Variants in UPF3A observed in about 807,000 individuals in gnomAD.
The protein encoded by UPF3A is regulator of nonsense transcripts 3A.
In UPF3A, 42 loss-of-function variants were observed where a neutral mutation model predicts 53.5. The observed-to-expected ratio is 0.78, with a 90% CI of 0.61 to 1.01. The LOEUF is 1.01. Ranked by LOEUF, UPF3A falls within the 50% of genes least tolerant of loss-of-function variation. The pLI, the probability that UPF3A is intolerant of heterozygous loss-of-function variation, is 0.00. For synonymous variants in UPF3A, 237 were observed against 225.3 expected, an observed-to-expected ratio of 1.05 and a Z score of -0.47; for missense variants, 575 against 598.0, an observed-to-expected ratio of 0.96 and a Z score of 0.40.
At chr13:114,291,989 G>C (rs1025153222) in intron 7 of UPF3A, among the ~76,000 whole-genome samples, 197 bp downstream of exon 7, 4 of 151,950 alleles carry the variant, frequency 2.6e-5, no homozygotes, top group African/African-American at 9.7e-5. Flanking sequence ...AGCCCTGGGA[G>C]TCCTCAGGCT....
chr13:114,301,713 A>AT lies in UPF3A; in HGVS notation c.1008-15dup, dbSNP rs1385988370. On this transcript the variant is annotated splice_polypyrimidine_tract_variant and intron_variant, in intron 8 of 9. Coordinates refer to ENST00000375299, the MANE Select transcript of UPF3A (RefSeq NM_023011.4). ...CGGCGGTTTACTGCAGTTGCTGATC[A>AT]TTTGTGTTGAATCATAGGTCACACA... is the stretch of plus-strand genomic sequence containing the variant. 7 of 1,597,148 alleles carry AT rather than the reference A, an allele frequency of 4.4e-6. No individual in the cohort carries two copies. Among genetic ancestry groups the AT allele is most frequent in the Non-Finnish European group, 6.0e-6 (7 of 1,168,644 alleles).
At chr13:114,304,748 G>A (rs1282835091) in intron 9 of UPF3A, 41 bp from the exon 10 acceptor site, 1 of 1,606,220 alleles carries the variant, frequency 6.2e-7, no homozygotes, top group South Asian at 1.1e-5. Context: ...CTTCTGTGTT[G>A]CTACCTCTTG....
intron 7 of UPF3A, among the ~76,000 whole-genome samples, chr13:114,298,161 CAG>C (rs1566764261): frequency 6.6e-6 from 1 of 152,114 alleles, no homozygotes; most frequent in Non-Finnish European, 1.5e-5. Context: ...TGCCTGAGGT[CAG>C]GGGTTTGAGA....
In UPF3A at chr13:114,305,456, C is replaced by G. The variant is rs2086938581; in HGVS notation, c.*539C>G. ...GTAGGAATATTTATCAGAGTTCACACTATATAAAACCCAACAGCTTCAACT... is the reference window on the plus strand; with the variant it reads ...GTAGGAATATTTATCAGAGTTCACAGTATATAAAACCCAACAGCTTCAACT... On this transcript the variant is annotated 3_prime_UTR_variant, in exon 10 of 10. Transcript: ENST00000375299. The G allele has an allele frequency of 5.8e-6, 1 of 172,364 alleles. No homozygotes were observed. Among genetic ancestry groups the G allele is most frequent in the East Asian group, 1.6e-4 (1 of 6,260 alleles). 10.7% of individuals were successfully genotyped at this position (172,364 alleles called of 1,614,324 possible).
At chr13:114,292,070 G>A (rs1439516444) in intron 7 of UPF3A, among the ~76,000 whole-genome samples, 3 of 150,218 alleles carry the variant, frequency 2.0e-5, no homozygotes, top group Admixed American at 1.3e-4. Context: ...GCTGGCACAC[G>A]TTGGGCTGCT....
intron 7 of UPF3A, among the ~76,000 whole-genome samples, chr13:114,295,394 C>T (rs977464730): frequency 1.3e-5 from 2 of 148,566 alleles, no homozygotes; most frequent in African/African-American, 2.5e-5. Context: ...TCGTCTCCAG[C>T]GGCTCTGGCG....
chr13:114,284,641 G>A (rs1350180537), intron 3 of UPF3A, among the ~76,000 whole-genome samples: 23 of 151,994 alleles, frequency 1.5e-4, no homozygotes, highest in Admixed American at 1.2e-3. Context: ...AGAGGTTGCA[G>A]TGAGCCAAGA....
intron 5 of UPF3A, among the ~76,000 whole-genome samples, chr13:114,287,802 C>T (rs1411328250): frequency 6.6e-6 from 1 of 152,024 alleles, no homozygotes; most frequent in East Asian, 1.9e-4. Context: ...CGTTCACTTT[C>T]TTCATTTATC....
intron 8 of UPF3A, among the ~76,000 whole-genome samples, chr13:114,300,983 G>C (rs1479119133): frequency 6.6e-6 from 1 of 151,426 alleles, no homozygotes; most frequent in African/African-American, 2.4e-5. Flanking sequence ...GCTAATTTTT[G>C]TATTTTCAGT....
chr13:114,294,916 T>G (rs1398438184), intron 7 of UPF3A, among the ~76,000 whole-genome samples: 2 of 150,608 alleles, frequency 1.3e-5, no homozygotes, highest in African/African-American at 4.9e-5. Flanking sequence ...ATCGAGACCA[T>G]CCTGGCTAAC....
At chr13:114,288,105 G>A (rs747549428) in intron 5 of UPF3A, among the ~76,000 whole-genome samples, 3 of 152,330 alleles carry the variant, frequency 2.0e-5, no homozygotes, top group South Asian at 2.1e-4. Context: ...ACACCTAGCC[G>A]TAATAAGGCT....
Position 114,286,183 on chromosome 13 carries a change from A to G in UPF3A, c.422-119A>G, listed in dbSNP as rs1031984103. The G allele has an allele frequency of 2.0e-5, 24 of 1,220,054 alleles. No individual in the cohort carries two copies. In the Middle Eastern group the frequency reaches 8.4e-4, roughly 43 times the overall value. The allele number at this position is 1,220,054 out of a possible 1,614,324, so 75.6% of individuals were successfully genotyped here. On this transcript the variant is annotated intron_variant, in intron 3 of 9. Transcript: ENST00000375299. ...TACTGGAAGGATGAATTATAGTTTA[A>G]ATAGTAATAATGCATTGTCGTTGTT...
intron 5 of UPF3A, chr13:114,287,691 C>T (rs1336077183): frequency 5.3e-5 from 8 of 152,206 alleles, no homozygotes; most frequent in African/African-American, 1.9e-4. Flanking sequence ...TTTGTCTCCC[C>T]AGTGGAACTA....
At chr13:114,292,529 C>G (rs1400445715) in intron 7 of UPF3A, among the ~76,000 whole-genome samples, 2 of 148,102 alleles carry the variant, frequency 1.4e-5, no homozygotes, top group Non-Finnish European at 3.0e-5. Context: ...CGGTTCAAGG[C>G]GTACACGTGC....
intron 5 of UPF3A, 42 bp downstream of exon 5, chr13:114,286,671 T>G (rs1232319323): frequency 6.0e-6 from 9 of 1,498,870 alleles, no homozygotes; most frequent in Non-Finnish European, 8.2e-6. Flanking sequence ...ATTGAGAGAT[T>G]TACTCGTAGA....
Position 114,292,670 on chromosome 13 carries a change from G to C in UPF3A, c.846+878G>C, listed in dbSNP as rs561523346. Among the ~76,000 whole-genome samples, 5 of 152,282 alleles carry C rather than the reference G, an allele frequency of 3.3e-5. 1 individual carries two copies. Among genetic ancestry groups the C allele is most frequent in the African/African-American group, 1.2e-4 (5 of 41,542 alleles). On this transcript the variant is annotated intron_variant, in intron 7 of 9. Coordinates refer to ENST00000375299, the MANE Select transcript of UPF3A (RefSeq NM_023011.4). Reference sequence around the variant, plus strand: ...TTTCGGCTCAAGGCGTACACGTGCAGGTGTGTCACATGGGTAAATCAAGTG... The same window carrying C: ...TTTCGGCTCAAGGCGTACACGTGCACGTGTGTCACATGGGTAAATCAAGTG...
Position 114,305,055 on chromosome 13 carries a change from A to G in UPF3A, c.*138A>G, listed in dbSNP as rs1327827663. 6 of 1,119,958 alleles carry G rather than the reference A, an allele frequency of 5.4e-6. No individual in the cohort carries two copies. Among genetic ancestry groups the G allele is most frequent in the Non-Finnish European group, 7.8e-6 (6 of 766,874 alleles). The allele number at this position is 1,119,958 out of a possible 1,614,324, so 69.4% of individuals were successfully genotyped here. On this transcript the variant is annotated 3_prime_UTR_variant, in exon 10 of 10. Coordinates refer to ENST00000375299, the MANE Select transcript of UPF3A (RefSeq NM_023011.4). ...TAAAAATACAGAGGGTGACGTAGAA[A>G]CACGCAGAAACCATTCTAAAGAAAG...
chr13:114,298,341 C>A (rs2086252774), intron 7 of UPF3A, among the ~76,000 whole-genome samples: 1 of 151,324 alleles, frequency 6.6e-6, no homozygotes, highest in Non-Finnish European at 1.5e-5. Flanking sequence ...CCATTGCACT[C>A]CAGCCTGGGC....
intron 5 of UPF3A, among the ~76,000 whole-genome samples, chr13:114,290,734 C>CTTTTTTTTTT (rs112441605): frequency 2.9e-5 from 4 of 138,416 alleles, no homozygotes; most frequent in Non-Finnish European, 4.7e-5. Flanking sequence ...TCTTTTTTTT[C>CTTTTTTTTTT]TTTTTTTTTT....
Sources: allele counts gnomAD v4.1 joint callset (sites outside exome capture counted in the v4.1 genomes callset), GRCh38; gene constraint gnomAD v4.1.1; transcripts MANE v1.5; gene names NCBI Gene and HGNC (gene_info 2026-07-23, HGNC 2026-07-21).